The following CCDC88A variants were observed in gnomAD, a reference collection of about 807,000 sequenced individuals.
CCDC88A encodes the protein girdin.
Under a neutral mutation model 234.3 loss-of-function variants are expected in CCDC88A, and 54 were observed. The ratio of observed to expected loss-of-function variants is 0.23; its 90% CI spans 0.19 to 0.29. The LOEUF is 0.29. Among genes scored for constraint, CCDC88A ranks in the 10% least tolerant of loss-of-function variants. The pLI, the probability that CCDC88A is intolerant of heterozygous loss-of-function variation, is 1.00. For missense variants in CCDC88A, 1,832 were observed against 2,123.4 expected (o/e 0.86, Z 2.70); for synonymous variants, 753 against 737.8 (o/e 1.02, Z -0.33).
chr2:55,310,828 TA>T (rs1682256932), intron 23 of CCDC88A, among the ~76,000 whole-genome samples: 1 of 152,210 alleles, frequency 6.6e-6, no homozygotes, highest in African/African-American at 2.4e-5. Flanking sequence ...GAAAAGTTGT[TA>T]ACAAGGCTGG....
At position 55,418,468 on chromosome 2, in the gene CCDC88A, A is replaced by G. The variant is rs1395835714; in HGVS notation, c.164+348T>C. 1.2e-5 allele frequency: 3 copies of G among 248,290 alleles called. No individual in the cohort carries two copies. The Admixed American group carries it at 1.5e-4, about 12-fold the overall frequency. 15.4% of individuals were successfully genotyped at this position (248,290 alleles called of 1,614,324 possible). On this transcript the variant is annotated intron_variant, in intron 2 of 32. Coordinates refer to ENST00000436346, the MANE Select transcript of CCDC88A (RefSeq NM_001365480.1). ...CATCAAATGCACATAACTTCACAGT[A>G]AAGTCTTTTTTCCTCTCTTAGGAAA...
intron 3 of CCDC88A, among the ~76,000 whole-genome samples, chr2:55,377,194 CTTTTT>C (rs11443883): frequency 1.7e-5 from 2 of 115,044 alleles, no homozygotes; most frequent in Non-Finnish European, 3.4e-5. Flanking sequence ...TCACTATAGA[CTTTTT>C]TTTTTTTTTT....
intron 3 of CCDC88A, among the ~76,000 whole-genome samples, chr2:55,384,571 GTATA>G (rs1426790070): frequency 1.1e-5 from 1 of 87,512 alleles, no homozygotes; most frequent in Non-Finnish European, 2.2e-5. Context: ...ACATATATAC[GTATA>G]TATGTGTATA....
chr2:55,393,262 T>C (rs1370663339), intron 2 of CCDC88A, among the ~76,000 whole-genome samples: 6 of 149,774 alleles, frequency 4.0e-5, no homozygotes, highest in Admixed American at 6.7e-5. Flanking sequence ...GTAACAGGAA[T>C]ATAGAGTTTT....
chr2:55,382,281 T>A (rs2104860088), intron 3 of CCDC88A, among the ~76,000 whole-genome samples: 1 of 152,352 alleles, frequency 6.6e-6, no homozygotes, highest in East Asian at 1.9e-4. Context: ...CTGTAGCAAC[T>A]GGATTAATGG....
At chr2:55,297,184 TAAATA>T (rs1310124544) in intron 29 of CCDC88A, 42 of 143,002 alleles carry the variant, frequency 2.9e-4, no homozygotes, top group Admixed American at 4.4e-4. Context: ...ACAATAAAAA[TAAATA>T]AAATAAAATG....
chr2:55,290,276 T>C lies in CCDC88A; in HGVS notation c.*924A>G, dbSNP rs1321694509. On this transcript the variant is annotated 3_prime_UTR_variant, in exon 33 of 33. Transcript: ENST00000436346. ...TGAGTTTCTGGCAAAATGCAGATCA[T>C]AGTAACTTATTTACATTATTTTTGC... 1.2e-4 allele frequency: 19 copies of C among 152,374 alleles called. No individual in the cohort carries two copies. The highest frequency in any genetic ancestry group is 2.4e-5 in the African/African-American group (1 of 41,452). 9.4% of individuals were successfully genotyped at this position (152,374 alleles called of 1,614,324 possible).
chr2:55,290,161 A>G lies in CCDC88A; in HGVS notation c.*1039T>C, dbSNP rs1014966412. The G allele has an allele frequency of 6.6e-6, 1 of 152,568 alleles. No individual in the cohort carries two copies. The highest frequency in any genetic ancestry group is 1.5e-5 in the Non-Finnish European group (1 of 67,956). The allele number at this position is 152,568 out of a possible 1,614,324, so 9.5% of individuals were successfully genotyped here. A position where few individuals can be genotyped will look rare whatever the true frequency, so the allele number is the denominator to read the frequency against. ...TTAAAGGTAACAAATGCATACAAAT[A>G]TTTCAAAAGTACCAATAACAGTTAT... On this transcript the variant is annotated 3_prime_UTR_variant, in exon 33 of 33. Transcript: ENST00000436346.
At chr2:55,362,255 T>G (rs1671421986) in intron 7 of CCDC88A, 53 bp downstream of exon 7, 1 of 1,408,488 alleles carries the variant, frequency 7.1e-7, no homozygotes, top group African/African-American at 1.5e-5. Context: ...AAAGCTACTA[T>G]TTTCTTTTTT....
At chr2:55,402,393 G>A (rs573172650) in intron 2 of CCDC88A, among the ~76,000 whole-genome samples, 87 of 152,122 alleles carry the variant, frequency 5.7e-4, no homozygotes, top group African/African-American at 2.0e-3. Flanking sequence ...AAATATGACC[G>A]CACACAAGTA....
intron 2 of CCDC88A, among the ~76,000 whole-genome samples, chr2:55,411,282 G>C (rs955016651): frequency 2.0e-5 from 3 of 152,106 alleles, no homozygotes; most frequent in African/African-American, 7.2e-5. Flanking sequence ...GTGAGAACTA[G>C]TCTCCCATAA....
At chr2:55,390,419 C>T (rs1486720977) in intron 2 of CCDC88A, among the ~76,000 whole-genome samples, 2 of 152,146 alleles carry the variant, frequency 1.3e-5, no homozygotes, top group Non-Finnish European at 2.9e-5. Flanking sequence ...TTCTTTTGTC[C>T]CCTGACCACA....
At chr2:55,359,230 A>G (rs1164752348) in intron 7 of CCDC88A, among the ~76,000 whole-genome samples, 1 of 152,142 alleles carries the variant, frequency 6.6e-6, no homozygotes, top group African/African-American at 2.4e-5. Context: ...AAAATATTCA[A>G]TTAAGCAATT....
chr2:55,419,747 C>G lies in CCDC88A; in HGVS notation c.-668G>C, dbSNP rs896778868. The G allele has an allele frequency of 1.3e-5, 2 of 152,426 alleles. No individual in the cohort carries two copies. Among genetic ancestry groups the G allele is most frequent in the African/African-American group, 4.8e-5 (2 of 41,418 alleles). 9.4% of individuals were successfully genotyped at this position (152,426 alleles called of 1,614,324 possible). On this transcript the variant is annotated 5_prime_UTR_variant, in exon 1 of 33. Transcript: ENST00000436346. The stretch of plus-strand genomic sequence containing the variant: ...GGGCTTGAATGTGTGTCCCTAACCC[C>G]CCAGCTTCCTAAGCCCTGCCAGCCT...
intron 25 of CCDC88A, chr2:55,306,221 C>T (rs1354851915): frequency 6.6e-6 from 1 of 152,104 alleles, no homozygotes; most frequent in African/African-American, 2.4e-5. Flanking sequence ...AGCCCCATTT[C>T]TTATTTGGTA....
In CCDC88A at chr2:55,339,367, T is replaced by A. The variant is rs892056167; in HGVS notation, c.1518+97A>T. 15 of 1,091,788 alleles carry A rather than the reference T, an allele frequency of 1.4e-5. No homozygotes were observed. The African/African-American group carries it at 1.5e-4, about 11-fold the overall frequency. The allele number at this position is 1,091,788 out of a possible 1,614,324, so 67.6% of individuals were successfully genotyped here. ...ATTTTCATAACAAGTTAAAATAACATTGAGCGTGCATTTAAAAAGTGGAAA... is the reference window on the plus strand; with the variant it reads ...ATTTTCATAACAAGTTAAAATAACAATGAGCGTGCATTTAAAAAGTGGAAA... On this transcript the variant is annotated intron_variant, in intron 13 of 32. Coordinates refer to ENST00000436346, the MANE Select transcript of CCDC88A (RefSeq NM_001365480.1).
At chr2:55,307,683 C>T (rs1172610438) in intron 25 of CCDC88A, among the ~76,000 whole-genome samples, 1 of 151,202 alleles carries the variant, frequency 6.6e-6, no homozygotes. Flanking sequence ...GAGACAGTGT[C>T]TCACTATGTT....
chr2:55,313,848 C>G (rs747236007), intron 22 of CCDC88A: 1 of 152,082 alleles, frequency 6.6e-6, no homozygotes, highest in Non-Finnish European at 1.5e-5. Context: ...GAATATCATA[C>G]TACGTTGGTT....
chr2:55,327,965 T>C (rs1422021375), intron 17 of CCDC88A, among the ~76,000 whole-genome samples: 1 of 152,180 alleles, frequency 6.6e-6, no homozygotes, highest in African/African-American at 2.4e-5. Context: ...GGATCCTCGA[T>C]AGGAAAGAGT....
Sources: gnomAD v4.1 joint callset for allele counts (sites outside exome capture counted in the v4.1 genomes callset) on GRCh38, gnomAD v4.1.1 for gene constraint, MANE v1.5 for transcripts, NCBI Gene and HGNC (gene_info 2026-07-23, HGNC 2026-07-21) for gene names.